GLMN: variants seen among roughly 807,000 people sequenced by gnomAD.
The protein encoded by GLMN is glomulin, FKBP associated protein, also known as glomulin.
GLMN carries 75 observed loss-of-function variants against 87.8 expected under a neutral mutation model. The observed-to-expected ratio is 0.85, with a 90% CI of 0.71 to 1.04. The LOEUF is 1.04. Among genes scored for constraint, GLMN ranks in the 50% least tolerant of loss-of-function variants. The pLI, the probability that GLMN is intolerant of heterozygous loss-of-function variation, is 0.00. For synonymous variants in GLMN, 206 were observed against 221.6 expected, an observed-to-expected ratio of 0.93 and a Z score of 0.63; for missense variants, 588 against 658.8, an observed-to-expected ratio of 0.89 and a Z score of 1.18.
At position 92,291,464 on chromosome 1, in the gene GLMN, T is replaced by A; in HGVS notation, c.239A>T (p.Asp80Val). 6.3e-7 allele frequency: 1 copy of A among 1,599,624 alleles called. No homozygotes were observed. The highest frequency in any genetic ancestry group is 8.6e-7 in the Non-Finnish European group (1 of 1,166,812). ...CAAAAAATAAACTTTTCTTTTACTATCCTCTTTATCTTTACACAAAAGGCA... is the reference window on the plus strand; with the variant it reads ...CAAAAAATAAACTTTTCTTTTACTAACCTCTTTATCTTTACACAAAAGGCA... ...VRCLLCKDKE[D>V]SKRKVYFLIF... Residue 80 changes from aspartate to valine, a missense_variant, in exon 4 of 19, where the codon GAT becomes GTT. Transcript: ENST00000370360.
the GLMN span, among the ~76,000 whole-genome samples, chr1:92,322,279 G>T: frequency 6.6e-6 from 1 of 150,706 alleles, no homozygotes; most frequent in African/African-American, 2.4e-5. Context: ...TTTTAAAAAG[G>T]TCAGCCAGTA....
the GLMN span, among the ~76,000 whole-genome samples, chr1:92,340,599 T>G: frequency 6.6e-6 from 1 of 152,180 alleles, no homozygotes; most frequent in East Asian, 1.9e-4. Flanking sequence ...CCCTAGAGAT[T>G]GAGTTTCATT....
Position 92,286,519 on chromosome 1 carries a change from G to T in GLMN, c.706C>A (p.Pro236Thr). Residue 236 changes from proline (P) to threonine (T), a missense_variant, in exon 7 of 19, where the codon CCT becomes ACT. Pro to Thr is a conservative substitution (Grantham distance 38, BLOSUM62 -1). Coordinates refer to ENST00000370360, the MANE Select transcript of GLMN (RefSeq NM_053274.3). ...FEQSEEGGND[P>T]FRYFASEIIG... ...ATTTCTGATGCAAAATACCTGAAAG[G>T]ATCATTTCCACCTTCTTCAGACTGT... 6.3e-7 allele frequency: 1 copy of T among 1,591,254 alleles called. No homozygotes were observed. The highest frequency in any genetic ancestry group is 8.6e-7 in the Non-Finnish European group (1 of 1,159,426).
At chr1:92,289,804 C>T (rs1311964591) in intron 5 of GLMN, among the ~76,000 whole-genome samples, 1 of 152,160 alleles carries the variant, frequency 6.6e-6, no homozygotes, top group Non-Finnish European at 1.5e-5. Flanking sequence ...AGAGGCTGAG[C>T]AATGCCTTGC....
chr1:92,247,287 C>T (rs1652817381), intron 17 of GLMN, 143 bp from the exon 18 acceptor site: 1 of 664,796 alleles, frequency 1.5e-6, no homozygotes, highest in Non-Finnish European at 2.7e-6. Flanking sequence ...TCAGGGTATA[C>T]TTAAGCTATA....
At chr1:92,313,864 C>T in the GLMN span, among the ~76,000 whole-genome samples, 1 of 152,246 alleles carries the variant, frequency 6.6e-6, no homozygotes, top group Non-Finnish European at 1.5e-5. Flanking sequence ...CTTGTGGCTT[C>T]ACCTTGCACT....
At chr1:92,339,418 T>G in the GLMN span, among the ~76,000 whole-genome samples, 150 of 151,626 alleles carry the variant, frequency 9.9e-4, no homozygotes, top group Non-Finnish European at 3.4e-4. Flanking sequence ...CAGGTGATTT[T>G]AATGGGTAGT....
chr1:92,350,039 C>T, the GLMN span, among the ~76,000 whole-genome samples: 1 of 152,164 alleles, frequency 6.6e-6, no homozygotes, highest in Non-Finnish European at 1.5e-5. Context: ...TTGATCATTG[C>T]ACACTCAATG....
At chr1:92,263,870 A>C (rs1243879989) in intron 14 of GLMN, 138 bp from the exon 15 acceptor site, 5 of 672,450 alleles carry the variant, frequency 7.4e-6, no homozygotes, top group Non-Finnish European at 1.4e-5. Context: ...ACTTTCATTC[A>C]CTTTCCAGAC....
chr1:92,309,564 CA>C, the GLMN span, among the ~76,000 whole-genome samples: 34 of 24,090 alleles, frequency 1.4e-3, no homozygotes, highest in Non-Finnish European at 5.3e-4. Context: ...TACACATACA[CA>C]TACACATATA....
the GLMN span, among the ~76,000 whole-genome samples, chr1:92,334,436 T>C: frequency 6.6e-6 from 1 of 152,212 alleles, no homozygotes; most frequent in East Asian, 1.9e-4. Flanking sequence ...TGGATGGTTA[T>C]GATCATTTTA....
At chr1:92,283,594 AAC>A (rs1292185394) in intron 7 of GLMN, among the ~76,000 whole-genome samples, 1 of 152,202 alleles carries the variant, frequency 6.6e-6, no homozygotes, top group Non-Finnish European at 1.5e-5. Flanking sequence ...ACTCCTATTC[AAC>A]ACAGTGTTGG....
intron 16 of GLMN, among the ~76,000 whole-genome samples, chr1:92,257,944 A>G (rs1654476968): frequency 6.6e-6 from 1 of 152,208 alleles, no homozygotes; most frequent in African/African-American, 2.4e-5. Context: ...GCTTCTGCAC[A>G]ACAAAAGAAA....
chr1:92,290,167 A>G (rs186633366), intron 5 of GLMN, 31 bp downstream of exon 5: 8 of 1,189,980 alleles, frequency 6.7e-6, no homozygotes, highest in African/African-American at 3.0e-5. Context: ...AGATACAACA[A>G]GAAGTACTCT....
chr1:92,280,475 A>G (rs1647891112), intron 7 of GLMN, among the ~76,000 whole-genome samples: 1 of 152,258 alleles, frequency 6.6e-6, no homozygotes, highest in Non-Finnish European at 1.5e-5. Flanking sequence ...CCAACATCAA[A>G]GACCAAAGGT....
At chr1:92,250,467 A>G (rs1653319182) in intron 16 of GLMN, among the ~76,000 whole-genome samples, 1 of 152,168 alleles carries the variant, frequency 6.6e-6, no homozygotes, top group African/African-American at 2.4e-5. Flanking sequence ...CTAAGTTTTT[A>G]GTATTTCAAA....
At chr1:92,298,077 G>C in intron 1 of GLMN, 48 bp from the exon 2 acceptor site, 1 of 808,782 alleles carries the variant, frequency 1.2e-6, no homozygotes, top group Non-Finnish European at 2.2e-6. Context: ...TTACACTTAA[G>C]TATTCAAAAG....
rs367698119 is a variant in GLMN at position 92,271,679 on chromosome 1, A to G, written c.736-27T>C. On this transcript the variant is annotated intron_variant, in intron 7 of 18. Transcript: ENST00000370360. Reference sequence around the variant, plus strand: ...TATGAAATGGATAAAAAAGGAAACCATAGCACACAGACTCTAAAATGCCCC... The same window carrying G: ...TATGAAATGGATAAAAAAGGAAACCGTAGCACACAGACTCTAAAATGCCCC... 1.4e-5 allele frequency: 21 copies of G among 1,512,160 alleles called. No homozygotes were observed. In the Middle Eastern group the frequency reaches 6.8e-4, roughly 49 times the overall value. 93.7% of individuals were successfully genotyped at this position (1,512,160 alleles called of 1,614,324 possible).
At chr1:92,255,280 G>C (rs1557511285) in intron 16 of GLMN, among the ~76,000 whole-genome samples, 1 of 152,044 alleles carries the variant, frequency 6.6e-6, no homozygotes, top group Non-Finnish European at 1.5e-5. Flanking sequence ...GAGACCTACA[G>C]AGACTTAGAC....
Sources: gnomAD v4.1 joint callset for allele counts (sites outside exome capture counted in the v4.1 genomes callset) on GRCh38, gnomAD v4.1.1 for gene constraint, MANE v1.5 for transcripts, NCBI Gene and HGNC (gene_info 2026-07-23, HGNC 2026-07-21) for gene names.